Variants in AK5 observed in about 807,000 individuals in gnomAD.
AK5 encodes the protein adenylate kinase isoenzyme 5.
AK5 carries 27 observed loss-of-function variants against 69.5 expected under a neutral mutation model. That is an observed-to-expected ratio of 0.39 (90% CI 0.29 to 0.54). The LOEUF (loss-of-function observed/expected upper bound fraction) is 0.54. Among genes scored for constraint, AK5 ranks in the 20% least tolerant of loss-of-function variants. AK5 has a pLI of 0.71. For missense variants in AK5, 531 were observed against 700.4 expected, an observed-to-expected ratio of 0.76 and a Z score of 2.73; for synonymous variants, 260 against 244.4, an observed-to-expected ratio of 1.06 and a Z score of -0.60.
intron 10 of AK5, among the ~76,000 whole-genome samples, chr1:77,509,537 A>G (rs369498822): frequency 3.3e-5 from 5 of 152,206 alleles, no homozygotes; most frequent in African/African-American, 1.2e-4. Context: ...TGGCATAATA[A>G]TTTTTCTCAG....
chr1:77,380,453 C>T (rs1309492704), intron 6 of AK5, among the ~76,000 whole-genome samples: 1 of 152,156 alleles, frequency 6.6e-6, no homozygotes, highest in Non-Finnish European at 1.5e-5. Flanking sequence ...TCTACCATTC[C>T]CCACATTTCA....
At chr1:77,507,291 C>G (rs577378892) in intron 10 of AK5, among the ~76,000 whole-genome samples, 1 of 152,248 alleles carries the variant, frequency 6.6e-6, no homozygotes, top group African/African-American at 2.4e-5. Flanking sequence ...AGAAGTGCCC[C>G]ACATATGAGA....
At chr1:77,556,917 T>C (rs954187322) in intron 13 of AK5, among the ~76,000 whole-genome samples, 3 of 152,018 alleles carry the variant, frequency 2.0e-5, no homozygotes, top group African/African-American at 4.8e-5. Context: ...GAAAGCTGTG[T>C]TTTAGCAAGC....
intron 13 of AK5, among the ~76,000 whole-genome samples, chr1:77,553,001 C>T (rs538544263): frequency 4.6e-5 from 7 of 152,194 alleles, no homozygotes; most frequent in African/African-American, 7.2e-5. Flanking sequence ...GATCTCACTA[C>T]TGCACTCCAG....
chr1:77,430,070 T>A (rs1029444482), intron 8 of AK5, among the ~76,000 whole-genome samples: 6 of 151,472 alleles, frequency 4.0e-5, no homozygotes, highest in Non-Finnish European at 8.8e-5. Flanking sequence ...GTTTATTTTT[T>A]AAAACATTTT....
At chr1:77,539,895 CT>C (rs1212971442) in intron 13 of AK5, among the ~76,000 whole-genome samples, 4 of 152,196 alleles carry the variant, frequency 2.6e-5, no homozygotes, top group Non-Finnish European at 5.9e-5. Context: ...TTTCTTAAAA[CT>C]AGGTGGGGCT....
intron 8 of AK5, among the ~76,000 whole-genome samples, chr1:77,449,225 A>AG (rs1179509341): frequency 4.6e-5 from 7 of 152,178 alleles, no homozygotes; most frequent in Admixed American, 3.9e-4. Flanking sequence ...CAGCCAGAAG[A>AG]GGGGGGTATA....
At chr1:77,325,001 C>CTTTT (rs1243584990) in intron 5 of AK5, among the ~76,000 whole-genome samples, 1 of 60,402 alleles carries the variant, frequency 1.7e-5, no homozygotes, top group African/African-American at 6.6e-5. Context: ...GAGACGGAGG[C>CTTTT]TTGTTCTGTC....
At chr1:77,358,582 A>G (rs1161704459) in intron 6 of AK5, among the ~76,000 whole-genome samples, 5 of 152,228 alleles carry the variant, frequency 3.3e-5, no homozygotes, top group Non-Finnish European at 7.3e-5. Context: ...ATAAAGCCAA[A>G]ACATGAAAAC....
At chr1:77,315,610 CTGAT>C (rs1181348797) in intron 5 of AK5, among the ~76,000 whole-genome samples, 1 of 152,044 alleles carries the variant, frequency 6.6e-6, no homozygotes, top group Non-Finnish European at 1.5e-5. Flanking sequence ...TAAAACTAAA[CTGAT>C]TGGATAGTGA....
chr1:77,363,054 T>G (rs1338687617), intron 6 of AK5, among the ~76,000 whole-genome samples: 1 of 152,152 alleles, frequency 6.6e-6, no homozygotes, highest in Admixed American at 6.5e-5. Flanking sequence ...AAGCTTGACC[T>G]CTTCCTTGAA....
intron 8 of AK5, among the ~76,000 whole-genome samples, chr1:77,428,062 G>A (rs894371228): frequency 2.0e-5 from 3 of 152,142 alleles, no homozygotes; most frequent in Non-Finnish European, 4.4e-5. Flanking sequence ...ATTTCAACAT[G>A]AGATGAGATG....
intron 5 of AK5, among the ~76,000 whole-genome samples, chr1:77,337,622 A>T (rs1046143447): frequency 1.3e-5 from 2 of 152,208 alleles, no homozygotes; most frequent in East Asian, 1.9e-4. Flanking sequence ...AAAAGCTTTA[A>T]CTTCAGGTAA....
intron 5 of AK5, among the ~76,000 whole-genome samples, chr1:77,310,844 T>C (rs777692884): frequency 6.6e-6 from 1 of 152,156 alleles, no homozygotes; most frequent in Non-Finnish European, 1.5e-5. Flanking sequence ...TCCATGAACA[T>C]TGTCATGTCA....
chr1:77,340,431 G>C lies in AK5; in HGVS notation c.754G>C (p.Glu252Gln). Residue 252 changes from glutamate (E) to glutamine (Q), a missense_variant, in exon 6 of 14, where the codon GAA becomes CAA. Glu to Gln is a conservative substitution (Grantham distance 29). Transcript: ENST00000354567. ...FLACANQRLK[E>Q]RLLKRAEQQG... ...GGCTTGTGCTAATCAGAGACTCAAA[G>C]AAAGATTACTGAAGCGTGCAGAACA... The C allele has an allele frequency of 6.2e-7, 1 of 1,614,102 alleles. No individual in the cohort carries two copies. The highest frequency in any genetic ancestry group is 1.3e-5 in the African/African-American group (1 of 75,022).
At chr1:77,526,046 C>G (rs1281283130) in intron 12 of AK5, among the ~76,000 whole-genome samples, 3 of 152,094 alleles carry the variant, frequency 2.0e-5, no homozygotes, top group African/African-American at 7.2e-5. Context: ...ATATCGACAT[C>G]TTAGCAATAT....
chr1:77,346,318 T>C (rs1400061217), intron 6 of AK5: 2 of 152,212 alleles, frequency 1.3e-5, no homozygotes, highest in Non-Finnish European at 2.9e-5. Flanking sequence ...TAGAGAGAAC[T>C]GCTGAATAAT....
chr1:77,549,119 G>A (rs544808308), intron 13 of AK5, among the ~76,000 whole-genome samples: 13 of 151,784 alleles, frequency 8.6e-5, no homozygotes, highest in East Asian at 3.9e-4. Context: ...CAGGTGATCC[G>A]CCCTCCTCGG....
intron 6 of AK5, among the ~76,000 whole-genome samples, chr1:77,405,617 G>C (rs1365255606): frequency 1.3e-5 from 2 of 152,212 alleles, no homozygotes; most frequent in Admixed American, 1.3e-4. Context: ...AGATTCAGGG[G>C]CTGTGCTGCT....
Sources: gnomAD v4.1 joint callset for allele counts (sites outside exome capture counted in the v4.1 genomes callset) on GRCh38, gnomAD v4.1.1 for gene constraint, MANE v1.5 for transcripts, NCBI Gene and HGNC (gene_info 2026-07-23, HGNC 2026-07-21) for gene names.